Variants in ALK observed in about 807,000 individuals in gnomAD.
ALK encodes the protein ALK receptor tyrosine kinase.
A neutral mutation model predicts 163.1 loss-of-function variants in ALK; 74 were observed. That is an observed-to-expected ratio of 0.45 (90% CI 0.38 to 0.55). The LOEUF (loss-of-function observed/expected upper bound fraction) is 0.55. Ranked by LOEUF, ALK falls within the 20% of genes least tolerant of loss-of-function variation. The probability of loss-of-function intolerance (pLI) is 0.00; values close to 1 mark genes in which losing one functional copy is unlikely to be tolerated. For missense variants in ALK, 2,063 were observed against 2,105.3 expected, an observed-to-expected ratio of 0.98 and a Z score of 0.39; for synonymous variants, 960 against 843.2, an observed-to-expected ratio of 1.14 and a Z score of -2.40.
At chr2:29,666,155 T>C (rs1677507636) in intron 3 of ALK, among the ~76,000 whole-genome samples, 1 of 152,140 alleles carries the variant, frequency 6.6e-6, no homozygotes, top group African/African-American at 2.4e-5. Context: ...AGTCTACTCA[T>C]CAAAAAAGCA....
chr2:29,854,650 T>C (rs978740209), intron 1 of ALK, among the ~76,000 whole-genome samples: 1 of 152,242 alleles, frequency 6.6e-6, no homozygotes, highest in Non-Finnish European at 1.5e-5. Context: ...TCATCCACTG[T>C]TGGACTTTAA....
At chr2:29,824,776 G>C (rs146394460) in intron 1 of ALK, among the ~76,000 whole-genome samples, 2,347 of 152,302 alleles carry the variant, frequency 0.015, 66 homozygotes, top group African/African-American at 0.054. Flanking sequence ...GACTTGCCTT[G>C]TCTCAGATGA....
chr2:29,353,372 A>T (rs1045762273), intron 5 of ALK, among the ~76,000 whole-genome samples: 12 of 152,080 alleles, frequency 7.9e-5, no homozygotes, highest in African/African-American at 2.9e-4. Flanking sequence ...AATTTTTTTC[A>T]CTTTTTGTGT....
chr2:29,742,379 C>A (rs1340406499), intron 1 of ALK, among the ~76,000 whole-genome samples: 2 of 152,210 alleles, frequency 1.3e-5, no homozygotes, highest in African/African-American at 4.8e-5. Flanking sequence ...TTGACCTGGA[C>A]TGAGACCTGA....
At chr2:29,757,904 T>C (rs1469008755) in intron 1 of ALK, among the ~76,000 whole-genome samples, 1 of 152,020 alleles carries the variant, frequency 6.6e-6, no homozygotes, top group East Asian at 1.9e-4. Context: ...GGATTTTGAG[T>C]AGTAGACAGA....
chr2:29,918,655 A>T (rs368807225), intron 1 of ALK, among the ~76,000 whole-genome samples: 1 of 152,184 alleles, frequency 6.6e-6, no homozygotes, highest in African/African-American at 2.4e-5. Flanking sequence ...CTGTGCAATG[A>T]CTAGGGAACC....
At chr2:29,344,397 C>T (rs562661376) in intron 5 of ALK, among the ~76,000 whole-genome samples, 3 of 152,316 alleles carry the variant, frequency 2.0e-5, no homozygotes, top group Admixed American at 1.3e-4. Flanking sequence ...GACTGTGCAG[C>T]GTCCTCCTTG....
intron 3 of ALK, among the ~76,000 whole-genome samples, chr2:29,536,902 T>C (rs1026554210): frequency 6.6e-6 from 1 of 152,206 alleles, no homozygotes; most frequent in Non-Finnish European, 1.5e-5. Context: ...TAGGGATCTG[T>C]GGAAGGTTGA....
intron 23 of ALK, among the ~76,000 whole-genome samples, chr2:29,217,653 C>CTAAGG (rs777058479): frequency 2.0e-5 from 3 of 152,136 alleles, no homozygotes; most frequent in Non-Finnish European, 4.4e-5. Context: ...TGATCCTGAT[C>CTAAGG]TAAGGTCTGT....
chr2:29,269,926 C>G (rs958247912), intron 11 of ALK, among the ~76,000 whole-genome samples: 7 of 152,228 alleles, frequency 4.6e-5, no homozygotes, highest in Non-Finnish European at 8.8e-5. Context: ...GGGAACACTG[C>G]CTGCCTGGGG....
intron 4 of ALK, among the ~76,000 whole-genome samples, chr2:29,505,264 G>A (rs1335169691): frequency 6.6e-6 from 1 of 152,158 alleles, no homozygotes; most frequent in Non-Finnish European, 1.5e-5. Context: ...ACAGCCCCCA[G>A]CATGCCTCTG....
chr2:29,284,217 G>T (rs1418988184), intron 9 of ALK, among the ~76,000 whole-genome samples: 4 of 152,164 alleles, frequency 2.6e-5, no homozygotes, highest in African/African-American at 4.8e-5. Context: ...CAGTCAGGCA[G>T]CTGGAAACCC....
At chr2:29,816,238 G>T (rs548247745) in intron 1 of ALK, among the ~76,000 whole-genome samples, 24 of 152,272 alleles carry the variant, frequency 1.6e-4, no homozygotes, top group Admixed American at 7.2e-4. Context: ...GAATAACAGG[G>T]ACATTTGCAG....
At chr2:29,302,433 G>C (rs988390030) in intron 8 of ALK, among the ~76,000 whole-genome samples, 1 of 152,202 alleles carries the variant, frequency 6.6e-6, no homozygotes, top group African/African-American at 2.4e-5. Context: ...CAGGAGAATT[G>C]CTTCAACCCG....
intron 1 of ALK, among the ~76,000 whole-genome samples, chr2:29,839,196 G>T (rs1665638562): frequency 6.6e-6 from 1 of 152,140 alleles, no homozygotes; most frequent in Non-Finnish European, 1.5e-5. Context: ...TTCTAAGAAT[G>T]TGTTTTTGAG....
At chr2:29,275,003 TCAGCA>T (rs1665495308) in intron 11 of ALK, 91 bp downstream of exon 11, 1 of 1,519,978 alleles carries the variant, frequency 6.6e-7, no homozygotes, top group African/African-American at 1.4e-5. Flanking sequence ...TTTCATTCTT[TCAGCA>T]CAGCTCCCCA....
intron 8 of ALK, among the ~76,000 whole-genome samples, chr2:29,314,418 T>C (rs1342184610): frequency 6.6e-6 from 1 of 152,098 alleles, no homozygotes; most frequent in East Asian, 1.9e-4. Context: ...TTGCTAGAGG[T>C]GACGTCAGGG....
chr2:29,435,960 C>T (rs571083783), intron 4 of ALK, among the ~76,000 whole-genome samples: 10 of 152,200 alleles, frequency 6.6e-5, no homozygotes, highest in South Asian at 4.2e-4. Context: ...ACTGTAAGCA[C>T]ATCTGGAGAA....
chr2:29,266,126 T>C (rs1665214773), intron 11 of ALK, among the ~76,000 whole-genome samples: 1 of 152,276 alleles, frequency 6.6e-6, no homozygotes. Flanking sequence ...TGATAAGCTT[T>C]AGAAGACTAA....
Sources: gnomAD v4.1 joint callset for allele counts (sites outside exome capture counted in the v4.1 genomes callset) on GRCh38, gnomAD v4.1.1 for gene constraint, MANE v1.5 for transcripts, NCBI Gene and HGNC (gene_info 2026-07-23, HGNC 2026-07-21) for gene names.